Variants in DGLUCY observed in about 807,000 individuals in gnomAD.
The protein encoded by DGLUCY is D-glutamate cyclase, mitochondrial.
A neutral mutation model predicts 58.5 loss-of-function variants in DGLUCY; 58 were observed. The ratio of observed to expected loss-of-function variants is 0.99; its 90% confidence interval spans 0.80 to 1.23. The LOEUF is 1.23. Among genes scored for constraint, DGLUCY ranks in the 50% most tolerant of loss-of-function variants. The pLI is 0.00. For missense variants in DGLUCY, 779 were observed against 784.7 expected (o/e 0.99, Z 0.09); for synonymous variants, 325 against 314.1 (o/e 1.03, Z -0.37).
In DGLUCY at chr14:91,141,818, G is replaced by A. The variant is rs995952166; in HGVS notation, c.-81-15821G>A. 5.3e-5 allele frequency among the ~76,000 whole-genome samples: 8 copies of A among 150,768 alleles called. No individual in the cohort carries two copies. In the East Asian group the frequency reaches 9.8e-4, roughly 18 times the overall value. On this transcript the variant is annotated intron_variant, in intron 1 of 13. Coordinates refer to ENST00000256324, the MANE Select transcript of DGLUCY (RefSeq NM_001102368.3). ...CGCCCGCCTCAGCCTCCCAAAGTAC[G>A]GGGATTACAGGCGTGAGTCACTGCG...
chr14:91,078,873 A>T (rs2044074406), intron 1 of DGLUCY, among the ~76,000 whole-genome samples: 1 of 101,266 alleles, frequency 9.9e-6, no homozygotes, highest in African/African-American at 3.6e-5. Context: ...ATTTATTTTT[A>T]ATTTTTATTT....
intron 1 of DGLUCY, chr14:91,145,221 A>T (rs2046949204): frequency 1.3e-5 from 2 of 152,148 alleles, no homozygotes; most frequent in African/African-American, 4.8e-5. Flanking sequence ...CATTTCACAG[A>T]TGGAGAAGGA....
At chr14:91,170,245 G>A in intron 5 of DGLUCY, 44 bp downstream of exon 5, 1 of 1,587,314 alleles carries the variant, frequency 6.3e-7, no homozygotes, top group Non-Finnish European at 8.6e-7. Flanking sequence ...ATGGCCTGAA[G>A]ATGCAGATCA....
intron 1 of DGLUCY, among the ~76,000 whole-genome samples, chr14:91,151,467 C>T (rs183213613): frequency 2.6e-5 from 4 of 152,080 alleles, no homozygotes; most frequent in Admixed American, 1.3e-4. Context: ...GGTCTCGTCT[C>T]GATCTCCTGA....
chr14:91,184,010 AC>A (rs1461581086), intron 8 of DGLUCY, among the ~76,000 whole-genome samples: 1 of 150,712 alleles, frequency 6.6e-6, no homozygotes, highest in Non-Finnish European at 1.5e-5. Flanking sequence ...CCACCGGCCC[AC>A]CTGACTCTCA....
intron 1 of DGLUCY, among the ~76,000 whole-genome samples, chr14:91,156,180 C>T (rs1261399459): frequency 2.0e-5 from 3 of 149,814 alleles, no homozygotes; most frequent in African/African-American, 4.9e-5. Context: ...GTAGCGTGAT[C>T]TCGGCTCACT....
chr14:91,149,948 C>T (rs143220082), intron 1 of DGLUCY, among the ~76,000 whole-genome samples: 264 of 152,122 alleles, frequency 1.7e-3, no homozygotes, highest in East Asian at 7.0e-3. Flanking sequence ...GGGCTGGGTG[C>T]GGTGGCTCAC....
chr14:91,224,891 G>T lies in DGLUCY; in HGVS notation c.*58G>T, dbSNP rs755889012. On this transcript the variant is annotated 3_prime_UTR_variant, in exon 14 of 14. Transcript: ENST00000256324. ...CAACGGGCAGGTCTGCATCCGGGGA[G>T]AATGCAGCTGCTTCTGGCGACAATC... 41 of 1,496,844 alleles carry T rather than the reference G, an allele frequency of 2.7e-5. No individual in the cohort carries two copies. The highest frequency in any genetic ancestry group is 3.6e-5 in the Non-Finnish European group (40 of 1,110,628). The allele number at this position is 1,496,844 out of a possible 1,614,324, so 92.7% of individuals were successfully genotyped here.
intron 5 of DGLUCY, 90 bp from the exon 6 acceptor site, chr14:91,173,199 G>A: frequency 1.4e-5 from 20 of 1,412,734 alleles, no homozygotes; most frequent in Admixed American, 2.0e-5. Flanking sequence ...CCTTCATTTA[G>A]CTGCCTTGAA....
intron 1 of DGLUCY, among the ~76,000 whole-genome samples, chr14:91,085,300 C>T (rs1418278385): frequency 6.6e-6 from 1 of 151,866 alleles, no homozygotes; most frequent in Non-Finnish European, 1.5e-5. Context: ...CCCTTAGTGC[C>T]TTTGCCCATG....
chr14:91,069,799 CTTTTTT>C (rs5810528), intron 1 of DGLUCY, among the ~76,000 whole-genome samples: 1 of 121,038 alleles, frequency 8.3e-6, no homozygotes. Context: ...TGATATGCCT[CTTTTTT>C]TTTTTTTTTT....
chr14:91,128,275 C>T (rs1252314270), intron 1 of DGLUCY, among the ~76,000 whole-genome samples: 2 of 147,252 alleles, frequency 1.4e-5, no homozygotes, highest in Non-Finnish European at 3.0e-5. Flanking sequence ...GAGTTCAAGA[C>T]CAGCCTGGGC....
intron 1 of DGLUCY, among the ~76,000 whole-genome samples, chr14:91,149,489 A>T (rs957986191): frequency 6.6e-6 from 1 of 152,210 alleles, no homozygotes; most frequent in African/African-American, 2.4e-5. Flanking sequence ...TGAGCTGTGC[A>T]GTGCCAGAAG....
At chr14:91,190,171 T>G (rs1343341237) in intron 9 of DGLUCY, among the ~76,000 whole-genome samples, 3 of 151,554 alleles carry the variant, frequency 2.0e-5, no homozygotes, top group Non-Finnish European at 4.4e-5. Context: ...GTATTTTTAG[T>G]AGAGACGGGG....
Position 91,199,868 on chromosome 14 carries a change from T to C in DGLUCY, c.1407T>C (p.Phe469=). The change falls in exon 11 of 14, where the codon TTT becomes TTC. Residue 469 remains phenylalanine (F), a synonymous_variant. Transcript: ENST00000256324. ...KHLVDPIDDL[F]LAAKKIPGIS... ...TGGTTGACCCCATTGACGATCTTTT[T>C]CTTGCTGCGAAGAAGATTCCTGGAA... 3 of 1,614,218 alleles carry C rather than the reference T, an allele frequency of 1.9e-6. No homozygotes were observed. The highest frequency in any genetic ancestry group is 2.5e-6 in the Non-Finnish European group (3 of 1,180,038).
intron 9 of DGLUCY, among the ~76,000 whole-genome samples, chr14:91,194,234 T>A (rs1003326470): frequency 6.6e-6 from 1 of 151,960 alleles, no homozygotes; most frequent in Non-Finnish European, 1.5e-5. Context: ...GTAGAGGAGG[T>A]AACCAATGGC....
At chr14:91,201,532 C>T (rs992098786) in intron 11 of DGLUCY, among the ~76,000 whole-genome samples, 5 of 152,008 alleles carry the variant, frequency 3.3e-5, no homozygotes, top group African/African-American at 7.2e-5. Flanking sequence ...TTCTTGACCT[C>T]GTGATCCGCC....
chr14:91,215,415 C>G lies in DGLUCY; in HGVS notation c.1575C>G (p.Asn525Lys), dbSNP rs779478388. The change falls in exon 13 of 14, where the codon AAC (asparagine) becomes AAG (lysine). Residue 525 changes from asparagine (N) to lysine (K), a missense_variant. Transcript: ENST00000256324. ...GTTTTGCTGTTCTAGGTGTTTCTAA[C>G]TGGGGAGGCTATGCCCTGGCCTGCG... ...ADFAVIAGVS[N>K]WGGYALACAL... The G allele has an allele frequency of 9.4e-6, 15 of 1,604,234 alleles. No individual in the cohort carries two copies. In the African/African-American group the frequency reaches 1.9e-4, roughly 20 times the overall value.
chr14:91,132,882 C>T (rs2046106556), intron 1 of DGLUCY, among the ~76,000 whole-genome samples: 1 of 152,178 alleles, frequency 6.6e-6, no homozygotes, highest in South Asian at 2.1e-4. Context: ...TTTGACCATT[C>T]CAGGTCCCTC....
Sources: allele counts gnomAD v4.1 joint callset (sites outside exome capture counted in the v4.1 genomes callset), GRCh38; gene constraint gnomAD v4.1.1; transcripts MANE v1.5; gene names NCBI Gene and HGNC (gene_info 2026-07-23, HGNC 2026-07-21).